Variants in GAS7 observed in about 807,000 individuals in gnomAD.
The protein encoded by GAS7 is growth arrest specific 7.
In GAS7, 28 loss-of-function variants were observed where a neutral mutation model predicts 71.1. The observed-to-expected ratio is 0.39, with a 90% CI of 0.29 to 0.54. The LOEUF (loss-of-function observed/expected upper bound fraction) is 0.54, where lower values mean the gene tolerates loss of function less well. Among genes scored for constraint, GAS7 ranks in the 20% least tolerant of loss-of-function variants. The pLI is 0.62. For missense variants in GAS7, 436 were observed against 627.8 expected, an observed-to-expected ratio of 0.69 and a Z score of 3.27; for synonymous variants, 258 against 245.8, an observed-to-expected ratio of 1.05 and a Z score of -0.46.
At chr17:9,938,963 T>C (rs1160579656) in intron 8 of GAS7, among the ~76,000 whole-genome samples, 4 of 152,246 alleles carry the variant, frequency 2.6e-5, no homozygotes, top group Non-Finnish European at 5.9e-5. Flanking sequence ...CCATTCCTTT[T>C]CATGGCTGAG....
chr17:9,947,021 A>C, intron 5 of GAS7, 38 bp from the exon 6 acceptor site: 1 of 1,401,632 alleles, frequency 7.1e-7, no homozygotes, highest in South Asian at 1.2e-5. Flanking sequence ...ACCCCGCTGG[A>C]GACTGGAATA....
intron 1 of GAS7, among the ~76,000 whole-genome samples, chr17:10,113,048 G>A (rs142485883): frequency 0.017 from 2,639 of 152,230 alleles, 43 homozygotes; most frequent in Non-Finnish European, 0.029. Context: ...CTATGGCCCA[G>A]GGAAGCAGAG....
chr17:10,160,132 C>G (rs2074240402), intron 1 of GAS7, among the ~76,000 whole-genome samples: 1 of 152,146 alleles, frequency 6.6e-6, no homozygotes, highest in Admixed American at 6.5e-5. Context: ...TCTTGAACTC[C>G]TGAGCTCAAG....
At chr17:9,943,041 T>C in intron 7 of GAS7, 80 bp downstream of exon 7, 1 of 845,940 alleles carries the variant, frequency 1.2e-6, no homozygotes, top group Non-Finnish European at 2.0e-6. Flanking sequence ...CTGAGTCCTG[T>C]GCTGTCGCCC....
intron 1 of GAS7, among the ~76,000 whole-genome samples, chr17:10,138,210 C>T (rs909374568): frequency 9.2e-5 from 14 of 151,950 alleles, no homozygotes; most frequent in African/African-American, 3.4e-4. Context: ...CGTGATCCGC[C>T]CGCCTCGGCC....
intron 1 of GAS7, among the ~76,000 whole-genome samples, chr17:10,083,727 C>T (rs2073483126): frequency 6.6e-6 from 1 of 152,238 alleles, no homozygotes; most frequent in Non-Finnish European, 1.5e-5. Context: ...CCCCATGTGG[C>T]TGGGTCCAGG....
chr17:10,023,224 C>T (rs1431258275), intron 1 of GAS7, among the ~76,000 whole-genome samples: 1 of 152,166 alleles, frequency 6.6e-6, no homozygotes, highest in East Asian at 1.9e-4. Context: ...CCTGCAGGGC[C>T]GCACTCTGCC....
intron 1 of GAS7, among the ~76,000 whole-genome samples, chr17:10,187,953 C>T (rs929369515): frequency 1.3e-5 from 2 of 152,210 alleles, no homozygotes; most frequent in South Asian, 4.1e-4. Context: ...CATTTAGCAT[C>T]ATTAACCAAT....
chr17:9,982,826 A>AAAGAAAGG (rs1392532250), intron 2 of GAS7, among the ~76,000 whole-genome samples: 1 of 97,422 alleles, frequency 1.0e-5, no homozygotes, highest in East Asian at 4.3e-4. Flanking sequence ...GAAAGAAAGG[A>AAAGAAAGG]AAGAAAGAAA....
chr17:9,954,387 G>A (rs1354699278), intron 5 of GAS7, among the ~76,000 whole-genome samples: 2 of 152,044 alleles, frequency 1.3e-5, no homozygotes, highest in African/African-American at 4.8e-5. Flanking sequence ...TGTTGTCTGG[G>A]GTGAGCACCC....
intron 2 of GAS7, among the ~76,000 whole-genome samples, chr17:10,011,999 C>T (rs1198613963): frequency 1.3e-5 from 2 of 148,434 alleles, no homozygotes; most frequent in Admixed American, 1.3e-4. Flanking sequence ...ACAAAAGATA[C>T]CATCTCAAAT....
chr17:10,169,611 T>C (rs1423998460), intron 1 of GAS7, among the ~76,000 whole-genome samples: 2 of 152,162 alleles, frequency 1.3e-5, no homozygotes, highest in Non-Finnish European at 2.9e-5. Context: ...TCTGGTTTCC[T>C]GGTTTTCCGC....
chr17:10,007,569 T>C (rs1186051946), intron 2 of GAS7, among the ~76,000 whole-genome samples: 3 of 133,528 alleles, frequency 2.2e-5, no homozygotes, highest in Non-Finnish European at 4.5e-5. Flanking sequence ...GAGGTTGCAG[T>C]GAGCTGAGAT....
In GAS7 at chr17:10,186,016, C is replaced by T. The variant is rs577693640; in HGVS notation, c.183+12192G>A. 8.9e-4 allele frequency among the ~76,000 whole-genome samples: 126 copies of T among 142,108 alleles called. 1 individual carries two copies. The highest frequency in any genetic ancestry group is 4.3e-3 in the Middle Eastern group (1 of 230). The allele number at this position is 142,108 out of a possible 152,430, so 93.2% of individuals were successfully genotyped here. On this transcript the variant is annotated intron_variant, in intron 1 of 13. Coordinates refer to ENST00000432992, the MANE Select transcript of GAS7 (RefSeq NM_201433.2). The stretch of plus-strand genomic sequence containing the variant: ...TGACACCCAGGCTGGAGTGCAGTGG[C>T]GCATTCTCGGCTCACTGCAAGCTCC...
intron 1 of GAS7, among the ~76,000 whole-genome samples, chr17:10,183,777 G>C (rs2074433423): frequency 6.6e-6 from 1 of 152,074 alleles, no homozygotes. Context: ...AGGAGGCGGA[G>C]CTTGCAGTGA....
chr17:9,930,815 G>A (rs1207109608), intron 9 of GAS7, among the ~76,000 whole-genome samples: 3 of 152,140 alleles, frequency 2.0e-5, no homozygotes, highest in African/African-American at 4.8e-5. Context: ...TCAAGGAATC[G>A]CCATAAAACC....
chr17:10,046,508 C>T (rs766051953), intron 1 of GAS7, among the ~76,000 whole-genome samples: 16 of 151,590 alleles, frequency 1.1e-4, no homozygotes, highest in Non-Finnish European at 2.2e-4. Flanking sequence ...CCCGCCTCGG[C>T]GGGCAGATCA....
intron 1 of GAS7, among the ~76,000 whole-genome samples, chr17:10,022,872 G>A (rs2072323748): frequency 6.6e-6 from 1 of 152,184 alleles, no homozygotes; most frequent in Admixed American, 6.5e-5. Flanking sequence ...TGCTGGGGAG[G>A]TTAACAGCCT....
At chr17:9,996,703 A>T (rs1202376743) in intron 2 of GAS7, among the ~76,000 whole-genome samples, 2 of 151,542 alleles carry the variant, frequency 1.3e-5, no homozygotes, top group Non-Finnish European at 2.9e-5. Context: ...CAGTGGCGTG[A>T]TCTTGGCTCA....
Sources: allele counts gnomAD v4.1 joint callset (sites outside exome capture counted in the v4.1 genomes callset), GRCh38; gene constraint gnomAD v4.1.1; transcripts MANE v1.5; gene names NCBI Gene and HGNC (gene_info 2026-07-23, HGNC 2026-07-21).